The following PPFIA2 variants were observed in gnomAD, a reference collection of about 807,000 sequenced individuals.
The protein encoded by PPFIA2 is liprin-alpha-2.
A neutral mutation model predicts 175.5 loss-of-function variants in PPFIA2; 46 were observed. The observed-to-expected ratio is 0.26, with a 90% confidence interval of 0.21 to 0.34. The LOEUF is 0.34. Among genes scored for constraint, PPFIA2 ranks in the 10% least tolerant of loss-of-function variants. The pLI is 1.00. For missense variants in PPFIA2, 1,179 were observed against 1,506.1 expected (o/e 0.78, Z 3.60); for synonymous variants, 568 against 511.4 (o/e 1.11, Z -1.49).
At chr12:81,681,780 T>C (rs925020056) in intron 3 of PPFIA2, among the ~76,000 whole-genome samples, 82 of 152,054 alleles carry the variant, frequency 5.4e-4, no homozygotes, top group East Asian at 2.3e-3. Flanking sequence ...CTTATTTTTA[T>C]CCCTGAAGAG....
intron 4 of PPFIA2, among the ~76,000 whole-genome samples, chr12:81,631,388 A>T (rs948675240): frequency 6.6e-6 from 1 of 152,186 alleles, no homozygotes; most frequent in Non-Finnish European, 1.5e-5. Context: ...ATTCTGGAAC[A>T]TTGAATGAAT....
intron 22 of PPFIA2, among the ~76,000 whole-genome samples, chr12:81,312,966 A>G (rs192082410): frequency 6.6e-6 from 1 of 152,244 alleles, no homozygotes; most frequent in African/African-American, 2.4e-5. Flanking sequence ...GTTTGTGTCT[A>G]TTGTGGCTCT....
At chr12:81,371,337 A>G (rs1002941422) in intron 11 of PPFIA2, among the ~76,000 whole-genome samples, 3 of 75,042 alleles carry the variant, frequency 4.0e-5, no homozygotes, top group African/African-American at 1.5e-4. Context: ...GTGGATCAAA[A>G]TGTTGTTGAA....
intron 7 of PPFIA2, among the ~76,000 whole-genome samples, chr12:81,439,717 T>G (rs2049808946): frequency 6.6e-6 from 1 of 152,220 alleles, no homozygotes; most frequent in Admixed American, 6.5e-5. Flanking sequence ...GCCTGTAGTC[T>G]TTCTAAATCT....
At chr12:81,540,074 G>A (rs1452811445) in intron 4 of PPFIA2, among the ~76,000 whole-genome samples, 1 of 151,966 alleles carries the variant, frequency 6.6e-6, no homozygotes, top group African/African-American at 2.4e-5. Context: ...CAGAGAGAGA[G>A]AGAAAGAGAA....
chr12:81,748,912 C>A (rs539803887), intron 3 of PPFIA2, among the ~76,000 whole-genome samples: 1 of 144,574 alleles, frequency 6.9e-6, no homozygotes, highest in Non-Finnish European at 1.6e-5. Flanking sequence ...TAACAGCCTA[C>A]GCTTCACAGC....
chr12:81,364,688 GA>G (rs1244863854), intron 14 of PPFIA2, among the ~76,000 whole-genome samples: 2 of 151,864 alleles, frequency 1.3e-5, no homozygotes, highest in Non-Finnish European at 1.5e-5. Flanking sequence ...GAAAAGAGAG[GA>G]AATTTTGAGG....
chr12:81,715,543 A>G (rs1245905801), intron 3 of PPFIA2, among the ~76,000 whole-genome samples: 1 of 151,786 alleles, frequency 6.6e-6, no homozygotes, highest in African/African-American at 2.4e-5. Flanking sequence ...GCTTTTTCTC[A>G]GCTTTTTTCC....
intron 15 of PPFIA2, 108 bp downstream of exon 15, chr12:81,362,585 G>A (rs1203999206): frequency 3.2e-6 from 2 of 624,522 alleles, no homozygotes; most frequent in Non-Finnish European, 5.4e-6. Flanking sequence ...ATAATGACTA[G>A]TGAGCAATAG....
chr12:81,719,750 T>G (rs1375836357), intron 3 of PPFIA2, among the ~76,000 whole-genome samples: 1 of 151,538 alleles, frequency 6.6e-6, no homozygotes, highest in East Asian at 1.9e-4. Flanking sequence ...ATACATATTC[T>G]AATATCTAGG....
intron 4 of PPFIA2, among the ~76,000 whole-genome samples, chr12:81,496,014 T>C (rs2059986544): frequency 6.6e-6 from 1 of 152,230 alleles, no homozygotes; most frequent in South Asian, 2.1e-4. Flanking sequence ...AGTGATATTA[T>C]GACTTAATTG....
chr12:81,591,495 G>A (rs1280201912), intron 4 of PPFIA2, among the ~76,000 whole-genome samples: 1 of 152,176 alleles, frequency 6.6e-6, no homozygotes, highest in African/African-American at 2.4e-5. Flanking sequence ...AGAGACCTTT[G>A]TGGCAGCCCC....
At chr12:81,609,511 C>T (rs1273286959) in intron 4 of PPFIA2, among the ~76,000 whole-genome samples, 4 of 152,128 alleles carry the variant, frequency 2.6e-5, no homozygotes, top group African/African-American at 7.2e-5. Flanking sequence ...CAACTGTACT[C>T]ATTAATATTA....
At chr12:81,594,263 G>A (rs1406899742) in intron 4 of PPFIA2, among the ~76,000 whole-genome samples, 1 of 152,118 alleles carries the variant, frequency 6.6e-6, no homozygotes, top group African/African-American at 2.4e-5. Flanking sequence ...TTTAAGCACG[G>A]AAGCAGGAGG....
chr12:81,352,954 C>T (rs888494976), intron 17 of PPFIA2, among the ~76,000 whole-genome samples, 165 bp downstream of exon 17: 13 of 152,096 alleles, frequency 8.5e-5, no homozygotes, highest in African/African-American at 3.1e-4. Flanking sequence ...TGGGAATCTT[C>T]TGAAAATACA....
chr12:81,397,750 T>C (rs887769880), intron 8 of PPFIA2, among the ~76,000 whole-genome samples: 1 of 152,052 alleles, frequency 6.6e-6, no homozygotes, highest in African/African-American at 2.4e-5. Flanking sequence ...ACCAGACTTC[T>C]CAGTAGGAGG....
At chr12:81,501,700 A>G (rs1475140360) in intron 4 of PPFIA2, among the ~76,000 whole-genome samples, 2 of 152,196 alleles carry the variant, frequency 1.3e-5, no homozygotes, top group African/African-American at 4.8e-5. Context: ...ATGTGGTCAT[A>G]TTTACTAAAA....
intron 8 of PPFIA2, among the ~76,000 whole-genome samples, chr12:81,394,077 T>C (rs144892450): frequency 3.9e-5 from 6 of 152,192 alleles, no homozygotes; most frequent in African/African-American, 1.4e-4. Context: ...GCAATAGCAG[T>C]TTTTTAAAAA....
chr12:81,444,004 G>A (rs1048773254), intron 6 of PPFIA2, among the ~76,000 whole-genome samples: 45 of 150,632 alleles, frequency 3.0e-4, no homozygotes, highest in Non-Finnish European at 5.5e-4. Flanking sequence ...ACAGGCGCCC[G>A]CCACCACGCC....
Sources: allele counts gnomAD v4.1 joint callset (sites outside exome capture counted in the v4.1 genomes callset), GRCh38; gene constraint gnomAD v4.1.1; transcripts MANE v1.5; gene names NCBI Gene and HGNC (gene_info 2026-07-23, HGNC 2026-07-21).